The following RAVER2 variants were observed in gnomAD, a reference collection of about 807,000 sequenced individuals.
RAVER2 encodes the protein ribonucleoprotein PTB-binding 2.
Under a neutral mutation model 78.1 loss-of-function variants are expected in RAVER2, and 46 were observed. The ratio of observed to expected loss-of-function variants is 0.59; its 90% confidence interval spans 0.46 to 0.75. The LOEUF (loss-of-function observed/expected upper bound fraction) is 0.75, where lower values mean the gene tolerates loss of function less well. RAVER2 is among the 30% of genes least tolerant of loss of function. RAVER2 has a pLI of 0.00. For synonymous variants in RAVER2, 311 were observed against 313.3 expected (o/e 0.99, Z 0.08); for missense variants, 793 against 837.5 (o/e 0.95, Z 0.66).
chr1:64,757,062 A>T (rs552139072), intron 1 of RAVER2, among the ~76,000 whole-genome samples: 2 of 152,218 alleles, frequency 1.3e-5, no homozygotes, highest in Admixed American at 1.3e-4. Flanking sequence ...CTCTGTAAAG[A>T]TACTATTTTT....
intron 9 of RAVER2, among the ~76,000 whole-genome samples, chr1:64,811,206 A>G (rs1199060179): frequency 2.0e-5 from 3 of 152,224 alleles, no homozygotes; most frequent in Non-Finnish European, 2.9e-5. Context: ...GTACCGTACT[A>G]CTGTGATAAT....
chr1:64,768,599 G>T, intron 1 of RAVER2, 57 bp from the exon 2 acceptor site: 2 of 1,097,104 alleles, frequency 1.8e-6, no homozygotes, highest in East Asian at 2.4e-5. Context: ...AATAGAGCTA[G>T]ATTATCTAGT....
At chr1:64,750,124 A>G (rs1381506993) in intron 1 of RAVER2, among the ~76,000 whole-genome samples, 2 of 152,134 alleles carry the variant, frequency 1.3e-5, no homozygotes, top group East Asian at 1.9e-4. Flanking sequence ...TTACATTTCA[A>G]AGTACTCTAA....
chr1:64,747,759 C>T (rs1651583236), intron 1 of RAVER2, among the ~76,000 whole-genome samples: 1 of 152,170 alleles, frequency 6.6e-6, no homozygotes, highest in Non-Finnish European at 1.5e-5. Flanking sequence ...GGTGATCCCA[C>T]ACGCCTCGGC....
intron 11 of RAVER2, among the ~76,000 whole-genome samples, chr1:64,821,349 T>G (rs1653883377): frequency 6.6e-6 from 1 of 152,222 alleles, no homozygotes; most frequent in African/African-American, 2.4e-5. Context: ...TTCTGTAGAT[T>G]GTCTGTTTAC....
chr1:64,775,863 A>C (rs1652447121), intron 2 of RAVER2, among the ~76,000 whole-genome samples: 1 of 152,020 alleles, frequency 6.6e-6, no homozygotes, highest in Non-Finnish European at 1.5e-5. Context: ...TACTAAAAAT[A>C]CAAAAATTAG....
intron 5 of RAVER2, among the ~76,000 whole-genome samples, chr1:64,790,665 A>G (rs1055937391): frequency 7.2e-5 from 11 of 152,376 alleles, no homozygotes; most frequent in Non-Finnish European, 1.5e-5. Context: ...AACATAGCGT[A>G]TATAAATTTT....
chr1:64,768,556 T>C (rs1652233831), intron 1 of RAVER2, 100 bp from the exon 2 acceptor site: 1 of 741,128 alleles, frequency 1.3e-6, no homozygotes, highest in Middle Eastern at 2.3e-4. Context: ...ACATGGGACA[T>C]GGTGGTGGTA....
exon 4 of RAVER2, chr1:64,781,473 G>A (rs886336373): frequency 5.6e-6 from 9 of 1,613,930 alleles, no homozygotes; most frequent in African/African-American, 2.7e-5. Context: ...GGCAGCAGAC[G>A]GTATGACCAT....
intron 1 of RAVER2, among the ~76,000 whole-genome samples, chr1:64,760,540 T>C (rs10218453): frequency 0.03 from 4,615 of 152,132 alleles, 226 homozygotes; most frequent in African/African-American, 0.11. Context: ...TGGCCAAAAT[T>C]AGTTCACTGT....
At chr1:64,795,102 A>C (rs1362361517) in intron 5 of RAVER2, among the ~76,000 whole-genome samples, 2 of 152,138 alleles carry the variant, frequency 1.3e-5, no homozygotes, top group African/African-American at 4.8e-5. Flanking sequence ...GACATTTCCC[A>C]AAAATCAGTT....
At chr1:64,784,289 A>G (rs1044325677) in intron 4 of RAVER2, among the ~76,000 whole-genome samples, 3 of 152,176 alleles carry the variant, frequency 2.0e-5, no homozygotes, top group African/African-American at 7.2e-5. Context: ...AGGTGGGAGA[A>G]TAACCCGAGC....
rs574982402 is a variant in RAVER2 at position 64,798,739 on chromosome 1, A to G, written c.1106-4237A>G. 2.0e-5 allele frequency among the ~76,000 whole-genome samples: 3 copies of G among 152,270 alleles called. No individual in the cohort carries two copies. In the South Asian group the frequency reaches 6.2e-4, roughly 32 times the overall value. On this transcript the variant is annotated intron_variant, in intron 5 of 11. Coordinates refer to ENST00000294428, the Ensembl canonical transcript of RAVER2. Reference sequence around the variant, plus strand: ...TAAAAACTCTATTTTTTGTACTTCAACTACAGAATTTGAAAAAAATTAACT... The same window carrying G: ...TAAAAACTCTATTTTTTGTACTTCAGCTACAGAATTTGAAAAAAATTAACT...
chr1:64,785,164 T>C (rs1652743514), intron 4 of RAVER2, among the ~76,000 whole-genome samples: 1 of 152,200 alleles, frequency 6.6e-6, no homozygotes, highest in African/African-American at 2.4e-5. Context: ...GTATTCTAGA[T>C]AATGTTTTCT....
chr1:64,787,557 T>C (rs530255350), intron 4 of RAVER2, among the ~76,000 whole-genome samples: 1 of 152,162 alleles, frequency 6.6e-6, no homozygotes, highest in African/African-American at 2.4e-5. Flanking sequence ...GTAACTCTTC[T>C]ATCCTGCAGA....
chr1:64,784,822 A>C (rs564688362), intron 4 of RAVER2, among the ~76,000 whole-genome samples: 1 of 152,318 alleles, frequency 6.6e-6, no homozygotes, highest in African/African-American at 2.4e-5. Flanking sequence ...AAATGTCAGA[A>C]ATACTATCAC....
At chr1:64,830,577 T>A (rs1654103468) in intron 11 of RAVER2, among the ~76,000 whole-genome samples, 1 of 152,162 alleles carries the variant, frequency 6.6e-6, no homozygotes, top group African/African-American at 2.4e-5. Context: ...GTGCTCTAAT[T>A]TTTTCTTTTC....
At chr1:64,804,879 T>TCTTTTCTAG in intron 7 of RAVER2, 41 bp downstream of exon 7, 1 of 1,510,472 alleles carries the variant, frequency 6.6e-7, no homozygotes, top group Non-Finnish European at 9.1e-7. Flanking sequence ...TCAGTTCATT[T>TCTTTTCTAG]CTTTTCTAGA....
chr1:64,830,772 A>G, intron 11 of RAVER2, 67 bp from the exon 12 acceptor site: 3 of 1,387,298 alleles, frequency 2.2e-6, no homozygotes, highest in Non-Finnish European at 3.0e-6. Flanking sequence ...TGCTTTTCTT[A>G]TAAATATCTT....
Sources: allele counts gnomAD v4.1 joint callset (sites outside exome capture counted in the v4.1 genomes callset), GRCh38; gene constraint gnomAD v4.1.1; transcripts MANE v1.5; gene names NCBI Gene and HGNC (gene_info 2026-07-23, HGNC 2026-07-21).